Variants in CEP135 observed in about 807,000 individuals in gnomAD.
The protein encoded by CEP135 is centrosomal protein 135.
In CEP135, 142 loss-of-function variants were observed where a neutral mutation model predicts 157.3. The observed-to-expected ratio is 0.90, with a 90% CI of 0.79 to 1.04. The LOEUF is 1.04. Among genes scored for constraint, CEP135 ranks in the 50% least tolerant of loss-of-function variants. The pLI is 0.00. For missense variants in CEP135, 1,317 were observed against 1,309.2 expected, an observed-to-expected ratio of 1.01 and a Z score of -0.09; for synonymous variants, 396 against 439.8, an observed-to-expected ratio of 0.90 and a Z score of 1.25.
chr4:55,983,440 C>G (rs1343526414), intron 13 of CEP135, among the ~76,000 whole-genome samples: 1 of 152,154 alleles, frequency 6.6e-6, no homozygotes, highest in East Asian at 1.9e-4. Flanking sequence ...CACTATCTAA[C>G]CAGTTGTCAA....
Position 56,028,804 on chromosome 4 carries a change from A to G in CEP135, c.*12-2556A>G, listed in dbSNP as rs150942633. Among the ~76,000 whole-genome samples, 801 of 152,294 alleles carry G rather than the reference A, an allele frequency of 5.3e-3. 5 individuals are homozygous for G. The highest frequency in any genetic ancestry group is 0.018 in the African/African-American group (767 of 41,556). Reference sequence around the variant, plus strand: ...CACCACTCAGCATACCACTTCAGACACTGTATTCTCCAGCAGACACCAATT... The same window carrying G: ...CACCACTCAGCATACCACTTCAGACGCTGTATTCTCCAGCAGACACCAATT... On this transcript the variant is annotated intron_variant, in intron 25 of 25. Coordinates refer to ENST00000257287, the MANE Select transcript of CEP135 (RefSeq NM_025009.5).
Position 55,985,272 on chromosome 4 carries a change from CT to C in CEP135, c.1780-4del. On this transcript the variant is annotated splice_polypyrimidine_tract_variant and splice_region_variant and intron_variant, in intron 13 of 25. Transcript: ENST00000257287. Reference sequence around the variant, plus strand: ...ACAAATGAACATTTTCTTTAACATTCTTTTTCAGCATATTGAAGAAGTGAGT... The same window carrying C: ...ACAAATGAACATTTTCTTTAACATTCTTTTCAGCATATTGAAGAAGTGAGT... 1 of 1,495,368 alleles carries C rather than the reference CT, an allele frequency of 6.7e-7. No homozygotes were observed. The highest frequency in any genetic ancestry group is 1.2e-5 in the South Asian group (1 of 86,516). 92.6% of individuals were successfully genotyped at this position (1,495,368 alleles called of 1,614,324 possible). A position where few individuals can be genotyped will look rare whatever the true frequency, so the allele number is the denominator to read the frequency against.
At chr4:56,021,149 A>G (rs1359801785) in intron 24 of CEP135, among the ~76,000 whole-genome samples, 2 of 152,322 alleles carry the variant, frequency 1.3e-5, no homozygotes, top group East Asian at 3.9e-4. Context: ...AACAATCCCT[A>G]TAAGAGCTCC....
intron 7 of CEP135, chr4:55,964,975 G>C (rs1728798313): frequency 6.6e-6 from 1 of 152,098 alleles, no homozygotes; most frequent in Middle Eastern, 3.2e-3. Flanking sequence ...AGGAACTTTA[G>C]AAATTTTGGT....
chr4:55,996,962 A>G (rs539457698), intron 15 of CEP135, among the ~76,000 whole-genome samples: 52 of 152,306 alleles, frequency 3.4e-4, no homozygotes, highest in Non-Finnish European at 2.1e-4. Flanking sequence ...ATGGACCTCT[A>G]CCCAGTCACA....
At chr4:55,959,402 A>G (rs1360922884) in intron 5 of CEP135, among the ~76,000 whole-genome samples, 2 of 152,216 alleles carry the variant, frequency 1.3e-5, no homozygotes, top group Non-Finnish European at 2.9e-5. Context: ...CAGTACCTCA[A>G]AGAATTTTCC....
Position 55,980,124 on chromosome 4 carries a change from T to G in CEP135, c.1474-19T>G. 1 of 1,591,688 alleles carries G rather than the reference T, an allele frequency of 6.3e-7. No individual in the cohort carries two copies. Among genetic ancestry groups the G allele is most frequent in the Non-Finnish European group, 8.6e-7 (1 of 1,166,268 alleles). ...ACCATGTGGTGATGATTATATTTTG[T>G]TTTTTAATTATGTTTCAGGGTGATT... On this transcript the variant is annotated intron_variant, in intron 11 of 25. Transcript: ENST00000257287.
At chr4:55,996,316 C>G (rs1246063039) in intron 15 of CEP135, among the ~76,000 whole-genome samples, 4 of 152,102 alleles carry the variant, frequency 2.6e-5, no homozygotes, top group Non-Finnish European at 5.9e-5. Flanking sequence ...GAGACAGGGT[C>G]TCACAATGTT....
intron 14 of CEP135, among the ~76,000 whole-genome samples, chr4:55,989,076 A>G (rs115749348): frequency 0.024 from 3,693 of 152,292 alleles, 69 homozygotes; most frequent in Admixed American, 0.06. Context: ...AACTCAGATC[A>G]GTGGGAAAAG....
In CEP135 at chr4:56,024,503, A is replaced by T. The variant is rs1731084343; in HGVS notation, c.3323A>T (p.Glu1108Val). The change falls in exon 25 of 26, where the codon GAA becomes GTA. Residue 1108 changes from glutamate to valine, a missense_variant and splice_region_variant. Glu to Val is a moderately radical substitution (Grantham distance 121, BLOSUM62 -2). Transcript: ENST00000257287. ...RQISTERYERERAIQEMRRHG... is the reference protein window; with the variant it reads ...RQISTERYERVRAIQEMRRHG... ...TCTTGTTTGATCTTTACTAACAGAGAACGAGCAATCCAAGAGATGCGTCGA... is the reference window on the plus strand; with the variant it reads ...TCTTGTTTGATCTTTACTAACAGAGTACGAGCAATCCAAGAGATGCGTCGA... 3 of 1,612,436 alleles carry T rather than the reference A, an allele frequency of 1.9e-6. No homozygotes were observed. Among genetic ancestry groups the T allele is most frequent in the East Asian group, 4.5e-5 (2 of 44,824 alleles).
intron 1 of CEP135, among the ~76,000 whole-genome samples, chr4:55,950,722 CAA>C (rs1341400123): frequency 6.7e-6 from 1 of 150,040 alleles, no homozygotes; most frequent in African/African-American, 2.5e-5. Flanking sequence ...TTTAAAAAGA[CAA>C]AGATAAAAAC....
intron 14 of CEP135, among the ~76,000 whole-genome samples, chr4:55,991,565 T>G (rs541300959): frequency 6.6e-6 from 1 of 152,332 alleles, no homozygotes; most frequent in East Asian, 1.9e-4. Flanking sequence ...ACTTTGTGTT[T>G]GGGTTACAGT....
chr4:56,009,387 C>T (rs1455766173), intron 18 of CEP135, among the ~76,000 whole-genome samples: 1 of 152,196 alleles, frequency 6.6e-6, no homozygotes, highest in Non-Finnish European at 1.5e-5. Context: ...TGGTCTCTAT[C>T]TCCTGACCTC....
Position 56,024,553 on chromosome 4 carries a change from A to T in CEP135, c.3373A>T (p.Ser1125Cys), listed in dbSNP as rs1455302323. 6 of 1,613,832 alleles carry T rather than the reference A, an allele frequency of 3.7e-6. No individual in the cohort carries two copies. Among genetic ancestry groups the T allele is most frequent in the Non-Finnish European group, 8.5e-7 (1 of 1,179,900 alleles). Residue 1125 changes from serine (S) to cysteine (C), a missense_variant, in exon 25 of 26, where the codon AGT becomes TGT. Physicochemically the swap from Ser to Cys is moderately radical, Grantham distance 112 (BLOSUM62 -1). Coordinates refer to ENST00000257287, the MANE Select transcript of CEP135 (RefSeq NM_025009.5). ...RRHGLATPPL[S>C]STLRSPSHSP... ...ACATGGTCTTGCTACACCACCCCTTAGTTCCACTCTGAGGTCTCCTTCACA... is the reference window on the plus strand; with the variant it reads ...ACATGGTCTTGCTACACCACCCCTTTGTTCCACTCTGAGGTCTCCTTCACA...
chr4:55,985,439 A>T (rs528146044), intron 14 of CEP135, 81 bp downstream of exon 14: 3 of 514,886 alleles, frequency 5.8e-6, no homozygotes, highest in African/African-American at 4.1e-5. Context: ...ACTATTTTTT[A>T]ATTTTAATTT....
At chr4:55,949,903 C>T (rs1327646745) in intron 1 of CEP135, among the ~76,000 whole-genome samples, 1 of 152,194 alleles carries the variant, frequency 6.6e-6, no homozygotes, top group African/African-American at 2.4e-5. Flanking sequence ...CATTCTCATT[C>T]TCTCCCCTCC....
At chr4:56,029,160 C>A (rs76653299) in intron 25 of CEP135, among the ~76,000 whole-genome samples, 3,702 of 152,344 alleles carry the variant, frequency 0.024, 69 homozygotes, top group Admixed American at 0.049. Context: ...CTCAAAGCTT[C>A]TGTGCCCTCT....
At chr4:55,968,482 G>C (rs377633415) in intron 8 of CEP135, among the ~76,000 whole-genome samples, 9 of 151,358 alleles carry the variant, frequency 5.9e-5, no homozygotes, top group African/African-American at 2.2e-4. Context: ...AATGAGTACA[G>C]TTTTAATTCT....
chr4:55,992,511 A>C (rs1303494061), intron 15 of CEP135, among the ~76,000 whole-genome samples: 2 of 152,152 alleles, frequency 1.3e-5, no homozygotes, highest in African/African-American at 2.4e-5. Flanking sequence ...ATTTACCTCC[A>C]ATTTTTAACC....
Sources: allele counts gnomAD v4.1 joint callset (sites outside exome capture counted in the v4.1 genomes callset), GRCh38; gene constraint gnomAD v4.1.1; transcripts MANE v1.5; gene names NCBI Gene and HGNC (gene_info 2026-07-23, HGNC 2026-07-21).